The following C16orf89 variants were observed in gnomAD, a reference collection of about 807,000 sequenced individuals.
C16orf89 encodes chromosome 16 open reading frame 89, also known as UPF0764 protein C16orf89.
C16orf89 carries 57 observed loss-of-function variants against 41.5 expected under a neutral mutation model. That is an observed-to-expected ratio of 1.38 (90% CI 1.11 to 1.71). The LOEUF is 1.71. C16orf89 is among the 40% of genes most tolerant of loss of function. C16orf89 has a pLI of 0.00. For synonymous variants in C16orf89, 223 were observed against 190.6 expected, an observed-to-expected ratio of 1.17 and a Z score of -1.40; for missense variants, 575 against 445.9, an observed-to-expected ratio of 1.29 and a Z score of -2.61.
At position 5,065,640 on chromosome 16, in the gene C16orf89, A is replaced by C. The variant is rs1015499823; in HGVS notation, c.208+61T>G. On this transcript the variant is annotated intron_variant, in intron 1 of 7. Transcript: ENST00000472572. ...AGGTCCCAGGCGTACAGAGCAGGGCAGGGGACAAAGCTGAGAGCTAGCTTC... is the reference window on the plus strand; with the variant it reads ...AGGTCCCAGGCGTACAGAGCAGGGCCGGGGACAAAGCTGAGAGCTAGCTTC... 4 of 1,517,454 alleles carry C rather than the reference A, an allele frequency of 2.6e-6. No individual in the cohort carries two copies. The African/African-American group carries it at 5.5e-5, about 21-fold the overall frequency. The allele number at this position is 1,517,454 out of a possible 1,614,324, so 94.0% of individuals were successfully genotyped here.
intron 2 of C16orf89, among the ~76,000 whole-genome samples, chr16:5,061,993 G>A (rs1244722533): frequency 1.3e-5 from 2 of 152,228 alleles, no homozygotes; most frequent in Non-Finnish European, 2.9e-5. Context: ...AAAATAGTGT[G>A]TGGACAACTT....
In C16orf89 at chr16:5,047,786, T is replaced by C. The variant is rs1056788423; in HGVS notation, c.955+92A>G. ...GTGCCCCTTTGGTGATGCCAAGTGC[T>C]TTTCTTCCATAGCAGAGAATAAACA... On this transcript the variant is annotated intron_variant, in intron 7 of 7. Transcript: ENST00000472572. The C allele has an allele frequency of 3.3e-5, 26 of 786,278 alleles. No homozygotes were observed. In the African/African-American group the frequency reaches 4.3e-4, roughly 13 times the overall value. 48.7% of individuals were successfully genotyped at this position (786,278 alleles called of 1,614,324 possible). A position where few individuals can be genotyped will look rare whatever the true frequency, so the allele number is the denominator to read the frequency against.
At chr16:5,056,226 G>A (rs778354404) in intron 4 of C16orf89, 38 bp from the exon 5 acceptor site, 35 of 1,558,786 alleles carry the variant, frequency 2.2e-5, no homozygotes, top group Admixed American at 8.6e-5. Context: ...GGAGTCAGTG[G>A]TACAGATGAC....
chr16:5,056,491 G>GGGCTCGT (rs1279309060), intron 4 of C16orf89, among the ~76,000 whole-genome samples: 9 of 152,138 alleles, frequency 5.9e-5, no homozygotes, highest in African/African-American at 1.9e-4. Flanking sequence ...GGCACCAGAG[G>GGGCTCGT]GGCTCTCGTA....
intron 2 of C16orf89, 136 bp from the exon 3 acceptor site, chr16:5,060,572 G>T: frequency 1.1e-6 from 1 of 880,392 alleles, no homozygotes; most frequent in Non-Finnish European, 1.6e-6. Flanking sequence ...CTGTCCCCTG[G>T]TCCCAGATTG....
At chr16:5,062,904 A>G (rs1427673460) in intron 1 of C16orf89, among the ~76,000 whole-genome samples, 1 of 152,212 alleles carries the variant, frequency 6.6e-6, no homozygotes, top group East Asian at 1.9e-4. Context: ...GGCCAGAGAA[A>G]GGTTGCAGGG....
intron 7 of C16orf89, among the ~76,000 whole-genome samples, chr16:5,045,483 C>A (rs1956278733): frequency 6.6e-6 from 1 of 152,148 alleles, no homozygotes. Context: ...GGAAGGGAGC[C>A]AGGAATTCTT....
rs762879913 is a variant in C16orf89 at position 5,065,938 on chromosome 16, G to C, written c.-30C>G. ...GGCCTCTGCTCACTGCTGGTCACAC[G>C]CTCAGCACCCTGAGCTCTGGCCAAG... On this transcript the variant is annotated 5_prime_UTR_variant, in exon 1 of 8. Coordinates refer to ENST00000472572, the MANE Select transcript of C16orf89 (RefSeq NM_001098514.3). 19 of 1,606,966 alleles carry C rather than the reference G, an allele frequency of 1.2e-5. No individual in the cohort carries two copies. The Middle Eastern group carries it at 6.6e-4, about 56-fold the overall frequency.
At chr16:5,060,820 C>A (rs1424485244) in intron 2 of C16orf89, among the ~76,000 whole-genome samples, 1 of 151,768 alleles carries the variant, frequency 6.6e-6, no homozygotes, top group Non-Finnish European at 1.5e-5. Context: ...GGCAACATAG[C>A]AAGACTCTGT....
At chr16:5,055,607 C>T (rs1461562519) in intron 5 of C16orf89, 3 of 1,388,554 alleles carry the variant, frequency 2.2e-6, no homozygotes, top group East Asian at 2.5e-5. Flanking sequence ...GGAGTTTGGA[C>T]ACCCCAGCCA....
intron 6 of C16orf89, among the ~76,000 whole-genome samples, chr16:5,052,697 G>C (rs1956420192): frequency 6.6e-6 from 1 of 152,106 alleles, no homozygotes; most frequent in Middle Eastern, 3.2e-3. Context: ...AATTAGTACA[G>C]ACATTATGGA....
intron 3 of C16orf89, 29 bp downstream of exon 3, chr16:5,060,257 C>T: frequency 6.3e-7 from 1 of 1,579,874 alleles, no homozygotes; most frequent in Non-Finnish European, 8.6e-7. Flanking sequence ...GTTTGGGTTT[C>T]CAGCAAATAG....
chr16:5,058,588 C>T lies in C16orf89; in HGVS notation c.532G>A (p.Gly178Ser), dbSNP rs186670584. 4.2e-4 allele frequency: 676 copies of T among 1,611,994 alleles called. 2 individuals carry two copies. Among genetic ancestry groups the T allele is most frequent in the Middle Eastern group, 2.3e-3 (13 of 5,704 alleles). The change falls in exon 4 of 8, where the codon GGC (glycine) becomes AGC (serine). Residue 178 changes from glycine (G) to serine (S), a missense_variant. By Grantham distance (56) the Gly-to-Ser change is moderately conservative. Coordinates refer to ENST00000472572, the MANE Select transcript of C16orf89 (RefSeq NM_001098514.3). ...AGGCTCCTGCAGAGGTCTGAGAGGC[C>T]GCAGGGCTCGCTGCTGTCCGTCCTG... ...GTGTDSSEPC[G>S]LSDLCRSLMT...
In C16orf89 at chr16:5,044,197, C is replaced by CACA; in HGVS notation, c.*150_*151insTGT. ...CCCCCACCTACCCTGGCCTTGCCTACTCAGGGCTTCCAAGATTGGGTGTCG... is the reference window on the plus strand; with the variant it reads ...CCCCCACCTACCCTGGCCTTGCCTACACATCAGGGCTTCCAAGATTGGGTGTCG... On this transcript the variant is annotated 3_prime_UTR_variant, in exon 8 of 8. Coordinates refer to ENST00000472572, the MANE Select transcript of C16orf89 (RefSeq NM_001098514.3). The CACA allele has an allele frequency of 7.1e-7, 1 of 1,400,864 alleles. No homozygotes were observed. Among genetic ancestry groups the CACA allele is most frequent in the South Asian group, 1.6e-5 (1 of 60,820 alleles). The allele number at this position is 1,400,864 out of a possible 1,614,324, so 86.8% of individuals were successfully genotyped here.
At position 5,044,209 on chromosome 16, in the gene C16orf89, A is replaced by G. The variant is rs528510245; in HGVS notation, c.*139T>C. On this transcript the variant is annotated 3_prime_UTR_variant, in exon 8 of 8. Transcript: ENST00000472572. ...CTGGCCTTGCCTACTCAGGGCTTCC[A>G]AGATTGGGTGTCGGGGTGGCTTTGC... The G allele has an allele frequency of 2.7e-5, 38 of 1,411,398 alleles. No individual in the cohort carries two copies. The African/African-American group carries it at 5.1e-4, about 19-fold the overall frequency. The allele number at this position is 1,411,398 out of a possible 1,614,324, so 87.4% of individuals were successfully genotyped here.
chr16:5,044,181 AC>A lies in C16orf89; in HGVS notation c.*166del. On this transcript the variant is annotated 3_prime_UTR_variant, in exon 8 of 8. Coordinates refer to ENST00000472572, the MANE Select transcript of C16orf89 (RefSeq NM_001098514.3). Reference sequence around the variant, plus strand: ...CCTGGGTCCCTCCCGGCCCCCACCTACCCTGGCCTTGCCTACTCAGGGCTTC... The same window carrying A: ...CCTGGGTCCCTCCCGGCCCCCACCTACCTGGCCTTGCCTACTCAGGGCTTC... 16 of 1,383,484 alleles carry A rather than the reference AC, an allele frequency of 1.2e-5. 2 individuals are homozygous for A. In the South Asian group the frequency reaches 2.8e-4, roughly 24 times the overall value. 85.7% of individuals were successfully genotyped at this position (1,383,484 alleles called of 1,614,324 possible).
chr16:5,043,654 T>C (rs902658433), downstream of C16orf89: 2 of 152,262 alleles, frequency 1.3e-5, no homozygotes, highest in African/African-American at 4.8e-5. Context: ...AGACCCTTCC[T>C]TCTCCCACTG....
chr16:5,057,071 C>T (rs1242879140), intron 4 of C16orf89, among the ~76,000 whole-genome samples: 1 of 151,756 alleles, frequency 6.6e-6, no homozygotes. Context: ...AACCCCATCT[C>T]TACTAAAAAT....
chr16:5,043,073 G>GT (rs113726152), downstream of C16orf89: 175 of 147,854 alleles, frequency 1.2e-3, no homozygotes, highest in African/African-American at 3.6e-3. Flanking sequence ...GCTGGGTTTT[G>GT]TTTTTTTTTT....
Sources: gnomAD v4.1 joint callset for allele counts (sites outside exome capture counted in the v4.1 genomes callset) on GRCh38, gnomAD v4.1.1 for gene constraint, MANE v1.5 for transcripts, NCBI Gene and HGNC (gene_info 2026-07-23, HGNC 2026-07-21) for gene names.